Variants in AP3B1 observed in about 807,000 individuals in gnomAD.
The protein encoded by AP3B1 is adaptor related protein complex 3 subunit beta 1, also known as AP-3 complex subunit beta-1.
Under a neutral mutation model 132.5 loss-of-function variants are expected in AP3B1, and 61 were observed. The observed-to-expected ratio is 0.46, with a 90% CI of 0.37 to 0.57. The LOEUF is 0.57. AP3B1 is among the 20% of genes least tolerant of loss of function. The pLI, the probability that AP3B1 is intolerant of heterozygous loss-of-function variation, is 0.00. For missense variants in AP3B1, 1,120 were observed against 1,289.4 expected (o/e 0.87, Z 2.01); for synonymous variants, 388 against 438.3 (o/e 0.89, Z 1.43).
intron 17 of AP3B1, among the ~76,000 whole-genome samples, chr5:78,118,763 C>A (rs1191299655): frequency 6.6e-6 from 1 of 152,188 alleles, no homozygotes; most frequent in African/African-American, 2.4e-5. Flanking sequence ...CACAGACAAA[C>A]AAAAAGACAG....
At chr5:78,262,508 C>A (rs147044785) in intron 2 of AP3B1, among the ~76,000 whole-genome samples, 1 of 152,274 alleles carries the variant, frequency 6.6e-6, no homozygotes, top group African/African-American at 2.4e-5. Context: ...ATTGATTGAT[C>A]TGGCACCATT....
chr5:78,208,745 T>C (rs535993606), intron 7 of AP3B1, among the ~76,000 whole-genome samples: 1 of 152,148 alleles, frequency 6.6e-6, no homozygotes, highest in Admixed American at 6.6e-5. Context: ...TTGGAGAATA[T>C]TTAATATTCC....
chr5:78,186,949 C>CA (rs889152859), intron 7 of AP3B1, among the ~76,000 whole-genome samples: 4 of 151,966 alleles, frequency 2.6e-5, no homozygotes, highest in Admixed American at 1.3e-4. Context: ...AATCCACAGG[C>CA]AAAAAAATCT....
At chr5:78,229,553 T>G (rs1746541964) in intron 3 of AP3B1, among the ~76,000 whole-genome samples, 1 of 138,704 alleles carries the variant, frequency 7.2e-6, no homozygotes, top group African/African-American at 2.8e-5. Context: ...GGCAACATGG[T>G]GAAATCCCAT....
At position 78,129,101 on chromosome 5, in the gene AP3B1, G is replaced by A. The variant is rs1752585176; in HGVS notation, c.1837+20C>T. The A allele has an allele frequency of 3.1e-6, 5 of 1,593,754 alleles. No individual in the cohort carries two copies. The African/African-American group carries it at 6.8e-5, about 22-fold the overall frequency. ...AATTTTTTAGATAACATATATTTTG[G>A]AGTTATATTCTGATAATACCTTTAA... On this transcript the variant is annotated intron_variant, in intron 16 of 26. Coordinates refer to ENST00000255194, the MANE Select transcript of AP3B1 (RefSeq NM_003664.5).
At chr5:78,223,185 A>G (rs368477029) in intron 6 of AP3B1, among the ~76,000 whole-genome samples, 2 of 152,150 alleles carry the variant, frequency 1.3e-5, no homozygotes, top group African/African-American at 4.8e-5. Flanking sequence ...AATGTTGAAT[A>G]GGCAGTTTCA....
chr5:78,175,916 A>G (rs1744130126), intron 9 of AP3B1, 78 bp from the exon 10 acceptor site: 2 of 1,099,364 alleles, frequency 1.8e-6, no homozygotes, highest in South Asian at 2.5e-5. Flanking sequence ...ATAATGACAA[A>G]GAATTAGCAA....
At chr5:78,035,585 A>G (rs1747776729) in intron 23 of AP3B1, among the ~76,000 whole-genome samples, 1 of 152,066 alleles carries the variant, frequency 6.6e-6, no homozygotes, top group East Asian at 1.9e-4. Context: ...CATAGGCTCA[A>G]TGAGGAGTAA....
intron 22 of AP3B1, among the ~76,000 whole-genome samples, chr5:78,076,943 A>G (rs1300933588): frequency 1.3e-5 from 2 of 152,152 alleles, no homozygotes; most frequent in Non-Finnish European, 2.9e-5. Context: ...TGTAATCCTA[A>G]GCACAGTGCT....
chr5:78,257,271 C>T (rs1433213565), intron 2 of AP3B1, among the ~76,000 whole-genome samples: 3 of 152,066 alleles, frequency 2.0e-5, no homozygotes, highest in Non-Finnish European at 4.4e-5. Flanking sequence ...TGGGGAAAAC[C>T]TAAAGACTCC....
chr5:78,026,930 C>G (rs1747362657), intron 24 of AP3B1, among the ~76,000 whole-genome samples: 1 of 152,060 alleles, frequency 6.6e-6, no homozygotes, highest in African/African-American at 2.4e-5. Flanking sequence ...TTGTAAATTG[C>G]CTATTCTTAG....
chr5:78,216,091 T>G lies in AP3B1; in HGVS notation c.750A>C (p.Arg250=), dbSNP rs1414958539. Residue 250 remains arginine (R), a synonymous_variant, in exon 7 of 27, where the codon CGA becomes CGC. Transcript: ENST00000255194. ...GGCTGACAAACTGTGTCCGAGCATA[T>G]CGAGTTAGCATGTGGATTATGACAA... The part of the protein sequence containing the change: ...GQVVIIHMLT[R]YARTQFVSPW... 6.2e-7 allele frequency: 1 copy of G among 1,614,070 alleles called. No individual in the cohort carries two copies. Among genetic ancestry groups the G allele is most frequent in the Non-Finnish European group, 8.5e-7 (1 of 1,179,934 alleles).
intron 14 of AP3B1, among the ~76,000 whole-genome samples, chr5:78,153,478 TC>T (rs1742982600): frequency 6.6e-6 from 1 of 152,048 alleles, no homozygotes; most frequent in Non-Finnish European, 1.5e-5. Context: ...AGGCACCAGA[TC>T]ATTAGGTCTT....
chr5:78,065,785 C>T (rs367808902), intron 22 of AP3B1, among the ~76,000 whole-genome samples: 53 of 152,158 alleles, frequency 3.5e-4, no homozygotes, highest in African/African-American at 1.3e-3. Flanking sequence ...TTCCCGCCCC[C>T]GCACAGAGCA....
chr5:78,261,545 A>C (rs1748092054), intron 2 of AP3B1, among the ~76,000 whole-genome samples: 1 of 152,170 alleles, frequency 6.6e-6, no homozygotes, highest in South Asian at 2.1e-4. Context: ...GGCTCACTGC[A>C]ATCTCTGCCT....
At chr5:78,099,705 G>A (rs1751050170) in intron 21 of AP3B1, among the ~76,000 whole-genome samples, 1 of 151,954 alleles carries the variant, frequency 6.6e-6, no homozygotes, top group Admixed American at 6.6e-5. Flanking sequence ...GATCATCCTG[G>A]CTAACACAGT....
rs1165348664 is a variant in AP3B1 at position 78,177,194 on chromosome 5, T to C, written c.1040+145A>G. ...GATAAATGCATAAAGACTTTTATAA[T>C]AATCCCCTTAAGTATGAAATCTTAC... On this transcript the variant is annotated intron_variant, in intron 9 of 26. Coordinates refer to ENST00000255194, the MANE Select transcript of AP3B1 (RefSeq NM_003664.5). 3 of 624,208 alleles carry C rather than the reference T, an allele frequency of 4.8e-6. No individual in the cohort carries two copies. In the Admixed American group the frequency reaches 8.9e-5, roughly 18 times the overall value. The allele number at this position is 624,208 out of a possible 1,614,324, so 38.7% of individuals were successfully genotyped here. A position where few individuals can be genotyped will look rare whatever the true frequency, so the allele number is the denominator to read the frequency against.
chr5:78,212,008 G>A (rs999695200), intron 7 of AP3B1, among the ~76,000 whole-genome samples: 1 of 152,242 alleles, frequency 6.6e-6, no homozygotes, highest in African/African-American at 2.4e-5. Context: ...GGCCAGGCAT[G>A]GTGGCTCACG....
intron 2 of AP3B1, among the ~76,000 whole-genome samples, chr5:78,252,600 G>A (rs1259587165): frequency 1.3e-5 from 2 of 152,196 alleles, no homozygotes; most frequent in South Asian, 4.1e-4. Context: ...TTTGTGGCCT[G>A]GGGTGGTGGT....
Sources: allele counts gnomAD v4.1 joint callset (sites outside exome capture counted in the v4.1 genomes callset), GRCh38; gene constraint gnomAD v4.1.1; transcripts MANE v1.5; gene names NCBI Gene and HGNC (gene_info 2026-07-23, HGNC 2026-07-21).